Variants in CALN1 observed in about 807,000 individuals in gnomAD.
CALN1 encodes the protein calneuron 1.
A neutral mutation model predicts 30.6 loss-of-function variants in CALN1; 17 were observed. That is an observed-to-expected ratio of 0.56 (90% CI 0.38 to 0.83). The LOEUF is 0.83. Among genes scored for constraint, CALN1 ranks in the 40% least tolerant of loss-of-function variants. The probability of loss-of-function intolerance (pLI) is 0.00; values close to 1 mark genes in which losing one functional copy is unlikely to be tolerated. For synonymous variants in CALN1, 156 were observed against 131.4 expected, an observed-to-expected ratio of 1.19 and a Z score of -1.28; for missense variants, 291 against 354.9, an observed-to-expected ratio of 0.82 and a Z score of 1.45.
intron 5 of CALN1, among the ~76,000 whole-genome samples, chr7:72,008,492 A>C (rs1469406121): frequency 6.6e-6 from 1 of 152,140 alleles, no homozygotes; most frequent in South Asian, 2.1e-4. Context: ...TCAGAACAAG[A>C]AGCAAGAGAA....
At chr7:72,170,796 T>C (rs548466963) in intron 3 of CALN1, among the ~76,000 whole-genome samples, 3 of 152,276 alleles carry the variant, frequency 2.0e-5, no homozygotes, top group South Asian at 2.1e-4. Context: ...TTGAGATGAA[T>C]TGAATTAAGC....
chr7:72,062,747 A>T (rs930968006), intron 4 of CALN1, among the ~76,000 whole-genome samples: 1 of 152,112 alleles, frequency 6.6e-6, no homozygotes. Context: ...AAATGGATTG[A>T]TTCTTCAGAT....
chr7:72,243,253 C>G (rs1017293653), intron 3 of CALN1, among the ~76,000 whole-genome samples: 9 of 152,210 alleles, frequency 5.9e-5, no homozygotes, highest in African/African-American at 1.9e-4. Flanking sequence ...AGGCAGCCAT[C>G]TGCAAACCAG....
intron 2 of CALN1, among the ~76,000 whole-genome samples, chr7:72,361,131 T>C (rs767528971): frequency 6.6e-6 from 1 of 152,140 alleles, no homozygotes; most frequent in Non-Finnish European, 1.5e-5. Context: ...CATTTTGTAA[T>C]TTAAATTCTC....
At chr7:72,105,273 C>T (rs1807005782) in intron 4 of CALN1, among the ~76,000 whole-genome samples, 1 of 152,176 alleles carries the variant, frequency 6.6e-6, no homozygotes, top group African/African-American at 2.4e-5. Flanking sequence ...TTACCTGTTT[C>T]ATGTCCTCCT....
At chr7:72,346,726 G>C (rs905129715) in intron 2 of CALN1, among the ~76,000 whole-genome samples, 3 of 152,084 alleles carry the variant, frequency 2.0e-5, no homozygotes, top group Non-Finnish European at 4.4e-5. Context: ...ATGTTGGACA[G>C]GCTGGTCTCG....
chr7:72,395,251 T>G (rs1374640426), intron 2 of CALN1, among the ~76,000 whole-genome samples: 2 of 152,084 alleles, frequency 1.3e-5, no homozygotes, highest in African/African-American at 4.8e-5. Flanking sequence ...TATCTATCAT[T>G]TGCATTGATC....
chr7:71,964,644 G>C (rs955801153), intron 5 of CALN1, among the ~76,000 whole-genome samples: 5 of 150,526 alleles, frequency 3.3e-5, no homozygotes, highest in African/African-American at 7.5e-5. Context: ...CCTGGCAACA[G>C]AGCGAGACTC....
intron 5 of CALN1, among the ~76,000 whole-genome samples, chr7:71,824,165 C>T (rs1788773704): frequency 1.3e-5 from 2 of 152,136 alleles, no homozygotes; most frequent in Admixed American, 1.3e-4. Flanking sequence ...CCAGGCCTCT[C>T]TGTTGTTTAG....
At chr7:71,812,277 C>T (rs1376228840) in intron 5 of CALN1, among the ~76,000 whole-genome samples, 2 of 152,094 alleles carry the variant, frequency 1.3e-5, no homozygotes, top group African/African-American at 2.4e-5. Flanking sequence ...CATTGTTGGT[C>T]TATGTCAAAA....
chr7:71,883,799 G>T (rs747903013), intron 5 of CALN1, among the ~76,000 whole-genome samples: 1 of 152,076 alleles, frequency 6.6e-6, no homozygotes, highest in Non-Finnish European at 1.5e-5. Context: ...GGTCTTGAGG[G>T]TATTGGCATG....
At chr7:72,218,133 C>T (rs1449496268) in intron 3 of CALN1, among the ~76,000 whole-genome samples, 1 of 151,504 alleles carries the variant, frequency 6.6e-6, no homozygotes, top group Non-Finnish European at 1.5e-5. Context: ...TGAGCCACCC[C>T]GCTCCGCCAA....
chr7:72,015,251 A>G (rs1431503202), intron 5 of CALN1, among the ~76,000 whole-genome samples: 1 of 152,302 alleles, frequency 6.6e-6, no homozygotes, highest in African/African-American at 2.4e-5. Flanking sequence ...CCTTGTCCCA[A>G]ATGTCAGGCT....
chr7:72,400,123 T>C (rs1472248098), intron 2 of CALN1, among the ~76,000 whole-genome samples: 3 of 152,118 alleles, frequency 2.0e-5, no homozygotes, highest in Admixed American at 6.5e-5. Flanking sequence ...TATTCCTTTA[T>C]AGCAGCACAA....
chr7:71,819,238 C>T (rs1203485738), intron 5 of CALN1, among the ~76,000 whole-genome samples: 10 of 142,224 alleles, frequency 7.0e-5, no homozygotes, highest in African/African-American at 2.6e-4. Flanking sequence ...GACAGGGTTT[C>T]ACTCTTGCTC....
intron 2 of CALN1, among the ~76,000 whole-genome samples, chr7:72,370,904 G>T (rs565641965): frequency 1.3e-5 from 2 of 151,706 alleles, no homozygotes; most frequent in Non-Finnish European, 2.9e-5. Flanking sequence ...AAAAATTAGC[G>T]GGTTGTGGTG....
intron 4 of CALN1, among the ~76,000 whole-genome samples, chr7:72,073,297 A>T (rs1435735882): frequency 1.3e-5 from 2 of 152,220 alleles, no homozygotes; most frequent in African/African-American, 4.8e-5. Flanking sequence ...ATTTTCCAAG[A>T]AGAAAAACGT....
intron 3 of CALN1, among the ~76,000 whole-genome samples, chr7:72,179,447 G>T (rs372695485): frequency 6.6e-6 from 1 of 152,058 alleles, no homozygotes; most frequent in South Asian, 2.1e-4. Flanking sequence ...TGTCTGCATC[G>T]GAGTTTCCAT....
chr7:71,891,502 C>T (rs7776793), intron 5 of CALN1, among the ~76,000 whole-genome samples: 41,248 of 152,092 alleles, frequency 0.27, 6,791 homozygotes, highest in African/African-American at 0.46. Context: ...ACCTCTGCCA[C>T]GGCTGTTGTC....
Sources: allele counts gnomAD v4.1 joint callset (sites outside exome capture counted in the v4.1 genomes callset), GRCh38; gene constraint gnomAD v4.1.1; transcripts MANE v1.5; gene names NCBI Gene and HGNC (gene_info 2026-07-23, HGNC 2026-07-21).